GABRA4: variants seen among roughly 807,000 people sequenced by gnomAD.
GABRA4 encodes gamma-aminobutyric acid type A receptor subunit alpha4.
Under a neutral mutation model 49.7 loss-of-function variants are expected in GABRA4, and 12 were observed. The observed-to-expected ratio is 0.24, with a 90% CI of 0.15 to 0.39. The LOEUF is 0.39. GABRA4 is among the 10% of genes least tolerant of loss of function. The pLI, the probability that GABRA4 is intolerant of heterozygous loss-of-function variation, is 1.00. For synonymous variants in GABRA4, 288 were observed against 240.2 expected (o/e 1.20, Z -1.84); for missense variants, 506 against 686.0 (o/e 0.74, Z 2.93).
chr4:46,991,189 G>T (rs1040121575), intron 2 of GABRA4, among the ~76,000 whole-genome samples: 1 of 150,586 alleles, frequency 6.6e-6, no homozygotes, highest in African/African-American at 2.4e-5. Context: ...CCATCTCAAA[G>T]AAAAAAAAAG....
intron 7 of GABRA4, among the ~76,000 whole-genome samples, chr4:46,968,436 T>C (rs766731925): frequency 6.6e-6 from 1 of 151,378 alleles, no homozygotes; most frequent in Non-Finnish European, 1.5e-5. Context: ...TCAGCAGTTC[T>C]GGAACTCTCC....
At position 46,978,025 on chromosome 4, in the gene GABRA4, A is replaced by C. The variant is rs1020334266; in HGVS notation, c.274-395T>G. On this transcript the variant is annotated intron_variant, in intron 3 of 8. Coordinates refer to ENST00000264318, the MANE Select transcript of GABRA4 (RefSeq NM_000809.4). Reference sequence around the variant, plus strand: ...AATCGTGTAATTGTAGGCATTTTAAAGACAAAATAATATGTGTAAGAGATA... The same window carrying C: ...AATCGTGTAATTGTAGGCATTTTAACGACAAAATAATATGTGTAAGAGATA... Among the ~76,000 whole-genome samples, 6 of 152,216 alleles carry C rather than the reference A, an allele frequency of 3.9e-5. No individual in the cohort carries two copies. The South Asian group carries it at 1.2e-3, about 32-fold the overall frequency.
At chr4:46,970,967 T>C in intron 7 of GABRA4, 116 bp downstream of exon 7, 1 of 928,494 alleles carries the variant, frequency 1.1e-6, no homozygotes, top group Admixed American at 2.9e-5. Flanking sequence ...AGCCATGTGA[T>C]TCCTTATTCA....
At chr4:46,933,733 G>A (rs1329688728) in intron 8 of GABRA4, among the ~76,000 whole-genome samples, 1 of 152,168 alleles carries the variant, frequency 6.6e-6, no homozygotes, top group African/African-American at 2.4e-5. Flanking sequence ...TTCGTACAGA[G>A]TGTAGAGACT....
rs1723516494 is a variant in GABRA4 at position 46,985,889 on chromosome 4, T to A, written c.206-6791A>T. 1.3e-5 allele frequency among the ~76,000 whole-genome samples: 2 copies of A among 151,654 alleles called. 1 individual carries two copies. Among genetic ancestry groups the A allele is most frequent in the South Asian group, 4.2e-4 (2 of 4,812 alleles). Reference sequence around the variant, plus strand: ...TCTTTCAGCTATGCCTTCCCACCAATCTAATGTTAAATATCCTGTACTAGA... The same window carrying A: ...TCTTTCAGCTATGCCTTCCCACCAAACTAATGTTAAATATCCTGTACTAGA... On this transcript the variant is annotated intron_variant, in intron 2 of 8. Transcript: ENST00000264318.
At chr4:46,943,486 C>G (rs1459636043) in intron 8 of GABRA4, among the ~76,000 whole-genome samples, 1 of 152,164 alleles carries the variant, frequency 6.6e-6, no homozygotes, top group Non-Finnish European at 1.5e-5. Context: ...TATTTACACA[C>G]TATAAATGTG....
At chr4:46,976,561 C>A (rs1055788204) in intron 5 of GABRA4, among the ~76,000 whole-genome samples, 1 of 151,640 alleles carries the variant, frequency 6.6e-6, no homozygotes, top group Non-Finnish European at 1.5e-5. Context: ...GCTAACAGTG[C>A]TGCTTCTGTC....
At chr4:46,959,266 G>A (rs1045347610) in intron 8 of GABRA4, among the ~76,000 whole-genome samples, 1 of 151,896 alleles carries the variant, frequency 6.6e-6, no homozygotes, top group African/African-American at 2.4e-5. Context: ...AGAATCAGGA[G>A]GATGGGTGGG....
At chr4:46,940,784 T>C (rs993097876) in intron 8 of GABRA4, among the ~76,000 whole-genome samples, 1 of 151,254 alleles carries the variant, frequency 6.6e-6, no homozygotes, top group Non-Finnish European at 1.5e-5. Context: ...TTCCAGAAAA[T>C]AATTTAACTT....
chr4:46,981,324 A>G (rs949472181), intron 2 of GABRA4, among the ~76,000 whole-genome samples: 3 of 152,130 alleles, frequency 2.0e-5, no homozygotes, highest in African/African-American at 7.2e-5. Flanking sequence ...GCTAATTCTT[A>G]TAGTTCTATA....
rs909305719 is a variant in GABRA4 at position 46,962,679 on chromosome 4, G to C, written c.1134+2291C>G. Among the ~76,000 whole-genome samples the C allele has an allele frequency of 4.6e-5, 7 of 151,800 alleles. No individual in the cohort carries two copies. The East Asian group carries it at 1.2e-3, about 25-fold the overall frequency. On this transcript the variant is annotated intron_variant, in intron 8 of 8. Coordinates refer to ENST00000264318, the MANE Select transcript of GABRA4 (RefSeq NM_000809.4). ...ATCCTAAGCACAAAGAATGAAACTG[G>C]AGGAATCACATTACCTCATTTCAAA...
Position 46,965,243 on chromosome 4 carries a change from G to C in GABRA4, c.875-14C>G. ...CAGTTGTTATTCCTTCAAAGCAAAAGAGCAGAGAGACAAAACACCTTACCA... is the reference window on the plus strand; with the variant it reads ...CAGTTGTTATTCCTTCAAAGCAAAACAGCAGAGAGACAAAACACCTTACCA... On this transcript the variant is annotated splice_polypyrimidine_tract_variant and intron_variant, in intron 7 of 8. Transcript: ENST00000264318. The C allele has an allele frequency of 2.8e-6, 4 of 1,415,966 alleles. No homozygotes were observed. Among genetic ancestry groups the C allele is most frequent in the Non-Finnish European group, 3.7e-6 (4 of 1,076,160 alleles). 87.7% of individuals were successfully genotyped at this position (1,415,966 alleles called of 1,614,324 possible).
intron 8 of GABRA4, among the ~76,000 whole-genome samples, chr4:46,961,441 TC>T (rs1260463244): frequency 6.6e-6 from 1 of 151,846 alleles, no homozygotes; most frequent in East Asian, 1.9e-4. Flanking sequence ...TTTATGTTTT[TC>T]AGTATTGTCT....
At chr4:46,982,388 C>T (rs1307251526) in intron 2 of GABRA4, among the ~76,000 whole-genome samples, 1 of 152,028 alleles carries the variant, frequency 6.6e-6, no homozygotes, top group Admixed American at 6.6e-5. Flanking sequence ...CAGACACACA[C>T]ACACACACAT....
intron 2 of GABRA4, among the ~76,000 whole-genome samples, chr4:46,981,530 A>G (rs2109399361): frequency 6.6e-6 from 1 of 152,238 alleles, no homozygotes; most frequent in East Asian, 1.9e-4. Flanking sequence ...ATTTGATTGT[A>G]AAGGGATTTC....
chr4:46,953,668 A>C (rs920529966), intron 8 of GABRA4, among the ~76,000 whole-genome samples: 2 of 152,196 alleles, frequency 1.3e-5, no homozygotes, highest in African/African-American at 4.8e-5. Flanking sequence ...TAGATGATCT[A>C]AAAAATGTGA....
chr4:46,932,274 A>G (rs544838743), intron 8 of GABRA4, among the ~76,000 whole-genome samples: 2 of 152,140 alleles, frequency 1.3e-5, no homozygotes, highest in African/African-American at 4.8e-5. Flanking sequence ...TCAGTGATCA[A>G]CTTATTCCAT....
chr4:46,920,446 TGA>T lies in GABRA4; in HGVS notation c.*7777_*7778del, dbSNP rs1720979962. Reference sequence around the variant, plus strand: ...ATGAGAAAATATGAAATATGAGACATGAGAAATATTAAACGAGTTCAGCAAAA... The same window carrying T: ...ATGAGAAAATATGAAATATGAGACATGAAATATTAAACGAGTTCAGCAAAA... On this transcript the variant is annotated 3_prime_UTR_variant, in exon 9 of 9. Coordinates refer to ENST00000264318, the MANE Select transcript of GABRA4 (RefSeq NM_000809.4). 1 of 151,466 alleles carries T rather than the reference TGA, an allele frequency of 6.6e-6. No individual in the cohort carries two copies. The highest frequency in any genetic ancestry group is 6.6e-5 in the Admixed American group (1 of 15,192). The allele number at this position is 151,466 out of a possible 1,614,324, so 9.4% of individuals were successfully genotyped here.
chr4:46,926,731 A>G lies in GABRA4; in HGVS notation c.*1494T>C, dbSNP rs1247874413. The G allele has an allele frequency of 6.6e-6, 1 of 151,944 alleles. No individual in the cohort carries two copies. Among genetic ancestry groups the G allele is most frequent in the Non-Finnish European group, 1.5e-5 (1 of 67,906 alleles). The allele number at this position is 151,944 out of a possible 1,614,324, so 9.4% of individuals were successfully genotyped here. A position where few individuals can be genotyped will look rare whatever the true frequency, so the allele number is the denominator to read the frequency against. ...TAGAGGCAATATGACAAAAAACCAT[A>G]CTTAGATTCAGCTGCATAGACAGTT... is the stretch of plus-strand genomic sequence containing the variant. On this transcript the variant is annotated 3_prime_UTR_variant, in exon 9 of 9. Transcript: ENST00000264318.
Sources: allele counts gnomAD v4.1 joint callset (sites outside exome capture counted in the v4.1 genomes callset), GRCh38; gene constraint gnomAD v4.1.1; transcripts MANE v1.5; gene names NCBI Gene and HGNC (gene_info 2026-07-23, HGNC 2026-07-21).